The following GPD2 variants were observed in gnomAD, a reference collection of about 807,000 sequenced individuals.
The protein encoded by GPD2 is glycerol-3-phosphate dehydrogenase, mitochondrial.
A neutral mutation model predicts 82.4 loss-of-function variants in GPD2; 54 were observed. That is an observed-to-expected ratio of 0.66 (90% CI 0.53 to 0.82). The LOEUF is 0.82. Among genes scored for constraint, GPD2 ranks in the 40% least tolerant of loss-of-function variants. The probability of loss-of-function intolerance (pLI) is 0.00; values close to 1 mark genes in which losing one functional copy is unlikely to be tolerated. For synonymous variants in GPD2, 288 were observed against 306.1 expected (o/e 0.94, Z 0.62); for missense variants, 748 against 896.2 (o/e 0.83, Z 2.11).
intron 13 of GPD2, among the ~76,000 whole-genome samples, chr2:156,573,940 C>T (rs1687727920): frequency 1.3e-5 from 2 of 152,186 alleles, no homozygotes; most frequent in Admixed American, 1.3e-4. Flanking sequence ...TTTTACCAGT[C>T]AATACTTAAT....
chr2:156,452,416 C>T (rs10933038), intron 1 of GPD2, among the ~76,000 whole-genome samples: 50 of 152,366 alleles, frequency 3.3e-4, no homozygotes, highest in African/African-American at 1.0e-3. Flanking sequence ...CAGTCAGGCG[C>T]GGCGGCGCGC....
At position 156,517,744 on chromosome 2, in the gene GPD2, T is replaced by G. The variant is rs75942265; in HGVS notation, c.661+4248T>G. Among the ~76,000 whole-genome samples the G allele has an allele frequency of 1.9e-3, 291 of 152,344 alleles. 1 individual carries two copies. The highest frequency in any genetic ancestry group is 6.8e-3 in the African/African-American group (284 of 41,582). ...CAGCTGTTAGGGGTAGCCAGTTTTCTCAGGAACTTATTTTTTTTTTCCTCT... is the reference window on the plus strand; with the variant it reads ...CAGCTGTTAGGGGTAGCCAGTTTTCGCAGGAACTTATTTTTTTTTTCCTCT... On this transcript the variant is annotated intron_variant, in intron 6 of 16. Coordinates refer to ENST00000438166, the MANE Select transcript of GPD2 (RefSeq NM_000408.5).
At chr2:156,550,481 A>C (rs910835145) in intron 7 of GPD2, 121 bp from the exon 8 acceptor site, 2 of 981,784 alleles carry the variant, frequency 2.0e-6, no homozygotes, top group African/African-American at 3.2e-5. Flanking sequence ...TGCTCAGGTC[A>C]CTTAGTGTGG....
In GPD2 at chr2:156,513,324, A is replaced by G; in HGVS notation, c.498-9A>G. ...TTCTGAAGAACTTTCCCCCCTATTT[A>G]TGCTGTAGGTGGTGGCAGTTACCTT... On this transcript the variant is annotated splice_polypyrimidine_tract_variant and intron_variant, in intron 5 of 16. Transcript: ENST00000438166. 6.3e-7 allele frequency: 1 copy of G among 1,598,548 alleles called. No individual in the cohort carries two copies. The highest frequency in any genetic ancestry group is 8.6e-7 in the Non-Finnish European group (1 of 1,167,578).
chr2:156,449,136 C>A (rs1682465043), intron 1 of GPD2, among the ~76,000 whole-genome samples: 1 of 152,122 alleles, frequency 6.6e-6, no homozygotes, highest in African/African-American at 2.4e-5. Context: ...CTCTTAAGGT[C>A]TTAATTTAAT....
intron 6 of GPD2, among the ~76,000 whole-genome samples, chr2:156,518,286 G>A (rs990724024): frequency 8.5e-5 from 13 of 152,084 alleles, no homozygotes; most frequent in East Asian, 1.9e-4. Flanking sequence ...GGCTCCTGGA[G>A]GTAAAAATGC....
At chr2:156,466,170 A>G (rs975174217) in intron 1 of GPD2, among the ~76,000 whole-genome samples, 32 of 152,212 alleles carry the variant, frequency 2.1e-4, no homozygotes, top group African/African-American at 7.2e-4. Flanking sequence ...ATTTTAATGG[A>G]ATATTAAAGA....
intron 13 of GPD2, among the ~76,000 whole-genome samples, chr2:156,572,511 T>C (rs1687677641): frequency 6.6e-6 from 1 of 152,214 alleles, no homozygotes; most frequent in East Asian, 1.9e-4. Context: ...CAGAGTTCAG[T>C]TTATTAATAC....
intron 6 of GPD2, among the ~76,000 whole-genome samples, chr2:156,520,667 C>G (rs2105286968): frequency 6.6e-6 from 1 of 152,060 alleles, no homozygotes; most frequent in African/African-American, 2.4e-5. Flanking sequence ...TTATTGCAAC[C>G]TCCACCTCCC....
chr2:156,541,831 T>TTTTG (rs1460381836), intron 6 of GPD2, among the ~76,000 whole-genome samples: 1 of 143,250 alleles, frequency 7.0e-6, no homozygotes, highest in African/African-American at 2.6e-5. Context: ...TTTGTTTTTT[T>TTTTG]TTTTTTTTTT....
the GPD2 span, among the ~76,000 whole-genome samples, chr2:156,408,395 A>G: frequency 5.4e-4 from 82 of 152,334 alleles, no homozygotes; most frequent in African/African-American, 1.9e-3. Flanking sequence ...TAGTGCTAAA[A>G]GAGGTCTTGA....
intron 1 of GPD2, among the ~76,000 whole-genome samples, chr2:156,452,867 G>T (rs928971642): frequency 1.3e-5 from 2 of 152,166 alleles, no homozygotes; most frequent in Non-Finnish European, 2.9e-5. Context: ...TAAAAGGAAG[G>T]ACTGCAGAGA....
chr2:156,512,396 C>T, intron 5 of GPD2, 79 bp downstream of exon 5: 1 of 785,462 alleles, frequency 1.3e-6, no homozygotes, highest in Non-Finnish European at 2.3e-6. Context: ...AATAATCCCT[C>T]AATGCATATT....
chr2:156,489,729 TCCC>T (rs1684092819), intron 2 of GPD2, among the ~76,000 whole-genome samples: 2 of 103,272 alleles, frequency 1.9e-5, no homozygotes, highest in Non-Finnish European at 3.8e-5. Context: ...CCTTCCTCCC[TCCC>T]TCCCTCCCTC....
upstream of GPD2, among the ~76,000 whole-genome samples, chr2:156,434,736 G>A (rs1688375421): frequency 6.6e-6 from 1 of 152,110 alleles, no homozygotes; most frequent in Non-Finnish European, 1.5e-5. Context: ...ATTCAACTGG[G>A]GGAGCTTTTA....
chr2:156,400,812 G>A, the GPD2 span, among the ~76,000 whole-genome samples: 6 of 152,182 alleles, frequency 3.9e-5, no homozygotes, highest in Admixed American at 2.6e-4. Context: ...GCATGTGTGA[G>A]GTCCCGGGTT....
At chr2:156,434,784 C>T (rs1022075228), upstream of GPD2, among the ~76,000 whole-genome samples, 1 of 152,178 alleles carries the variant, frequency 6.6e-6, no homozygotes, top group Admixed American at 6.5e-5. Flanking sequence ...ATCAGAACTA[C>T]CCAAAGGGCT....
the GPD2 span, among the ~76,000 whole-genome samples, chr2:156,428,276 A>T: frequency 6.6e-6 from 1 of 152,206 alleles, no homozygotes; most frequent in Non-Finnish European, 1.5e-5. Context: ...CACCCTATGT[A>T]AAGTGAAAGG....
intron 7 of GPD2, 121 bp from the exon 8 acceptor site, chr2:156,550,481 A>G (rs910835145): frequency 1.0e-6 from 1 of 981,904 alleles, no homozygotes; most frequent in Admixed American, 1.8e-5. Context: ...TGCTCAGGTC[A>G]CTTAGTGTGG....
Sources: allele counts gnomAD v4.1 joint callset (sites outside exome capture counted in the v4.1 genomes callset), GRCh38; gene constraint gnomAD v4.1.1; transcripts MANE v1.5; gene names NCBI Gene and HGNC (gene_info 2026-07-23, HGNC 2026-07-21).